Variants in NOL4 observed in about 807,000 individuals in gnomAD.
The protein encoded by NOL4 is cancer/testis antigen 125.
A neutral mutation model predicts 75.9 loss-of-function variants in NOL4; 17 were observed. The ratio of observed to expected loss-of-function variants is 0.22; its 90% CI spans 0.15 to 0.34. The LOEUF (loss-of-function observed/expected upper bound fraction) is 0.34. NOL4 is among the 10% of genes least tolerant of loss of function. NOL4 has a pLI of 1.00. For missense variants in NOL4, 614 were observed against 793.5 expected (o/e 0.77, Z 2.72); for synonymous variants, 292 against 289.9 (o/e 1.01, Z -0.07).
chr18:34,174,368 C>G (rs984369454), intron 1 of NOL4, among the ~76,000 whole-genome samples: 10 of 152,032 alleles, frequency 6.6e-5, no homozygotes, highest in Non-Finnish European at 1.3e-4. Context: ...CTTAATTTAT[C>G]AAAGTTTCAC....
rs570607563 is a variant in NOL4, at chr18:33,871,855, C to A, written c.1723+11389G>T. Among the ~76,000 whole-genome samples the A allele has an allele frequency of 1.9e-4, 29 of 152,086 alleles. 2 individuals carry two copies. The highest frequency in any genetic ancestry group is 7.2e-4 in the Admixed American group (11 of 15,238). On this transcript the variant is annotated intron_variant, in intron 10 of 10. Transcript: ENST00000261592. ...GGAACACACAGGGTCACTCACCTCC[C>A]TTTTCAGGGCCTTTCTTGGAGGCTT...
At chr18:33,939,935 A>G (rs1397325329) in intron 9 of NOL4, among the ~76,000 whole-genome samples, 1 of 152,132 alleles carries the variant, frequency 6.6e-6, no homozygotes, top group Admixed American at 6.6e-5. Context: ...CATGCAGCCA[A>G]CAAACATATG....
At chr18:34,181,951 G>A (rs1475205591) in intron 1 of NOL4, among the ~76,000 whole-genome samples, 1 of 151,542 alleles carries the variant, frequency 6.6e-6, no homozygotes, top group Non-Finnish European at 1.5e-5. Flanking sequence ...ACCTCATAAC[G>A]TTGCTCTGGG....
At chr18:33,927,322 A>G (rs77400953) in intron 9 of NOL4, among the ~76,000 whole-genome samples, 4,671 of 152,288 alleles carry the variant, frequency 0.031, 107 homozygotes, top group Non-Finnish European at 0.033. Flanking sequence ...TTAAAAATAA[A>G]TGTAACTTGG....
At chr18:34,092,468 T>G (rs1290651016) in intron 5 of NOL4, among the ~76,000 whole-genome samples, 1 of 152,112 alleles carries the variant, frequency 6.6e-6, no homozygotes, top group Admixed American at 6.6e-5. Context: ...TTCTTGGACG[T>G]TTTTTATGCT....
intron 8 of NOL4, among the ~76,000 whole-genome samples, chr18:33,946,118 AATC>A (rs1429644038): frequency 1.3e-5 from 2 of 151,764 alleles, no homozygotes; most frequent in Admixed American, 1.3e-4. Context: ...AATGTGTTAT[AATC>A]ATCATTAACT....
intron 1 of NOL4, among the ~76,000 whole-genome samples, chr18:34,177,720 A>C (rs2033674994): frequency 6.6e-6 from 1 of 151,888 alleles, no homozygotes; most frequent in South Asian, 2.1e-4. Flanking sequence ...TAGTCAAAGC[A>C]CTAAAGAAAA....
intron 8 of NOL4, among the ~76,000 whole-genome samples, chr18:33,948,163 T>C (rs2068967648): frequency 6.6e-6 from 1 of 151,964 alleles, no homozygotes; most frequent in South Asian, 2.1e-4. Flanking sequence ...AATGTGAAGC[T>C]TAATCAAGTA....
chr18:33,882,384 A>C (rs1207673249), intron 10 of NOL4, among the ~76,000 whole-genome samples: 2 of 152,144 alleles, frequency 1.3e-5, no homozygotes, highest in Non-Finnish European at 2.9e-5. Flanking sequence ...CCCCACCAAA[A>C]AGTGGGTGAA....
intron 4 of NOL4, among the ~76,000 whole-genome samples, chr18:34,098,047 TGG>T (rs1271423024): frequency 6.6e-6 from 1 of 152,060 alleles, no homozygotes; most frequent in Admixed American, 6.6e-5. Context: ...TAAAGGAGGT[TGG>T]GGTTTTTTTT....
At chr18:34,019,641 A>T (rs200770932) in intron 5 of NOL4, 40 bp from the exon 6 acceptor site, 1 of 1,574,886 alleles carries the variant, frequency 6.3e-7, no homozygotes, top group East Asian at 2.3e-5. Context: ...TTTAATTAAT[A>T]TGCTATTCAG....
intron 10 of NOL4, among the ~76,000 whole-genome samples, chr18:33,882,425 C>T (rs1267500253): frequency 6.6e-6 from 1 of 152,038 alleles, no homozygotes. Context: ...CAAAAGAAGA[C>T]ATTTATGCAG....
At chr18:33,894,628 C>T (rs960783158) in intron 9 of NOL4, among the ~76,000 whole-genome samples, 2 of 152,104 alleles carry the variant, frequency 1.3e-5, no homozygotes, top group Admixed American at 6.6e-5. Context: ...ATACCTGTTA[C>T]CAGAATTTTA....
rs752401674 is a variant in NOL4 at position 34,019,566 on chromosome 18, T to C, written c.808A>G (p.Thr270Ala). Residue 270 changes from threonine to alanine, a missense_variant, in exon 6 of 11, where the codon ACT becomes GCT. Thr to Ala is a moderately conservative substitution (Grantham distance 58, BLOSUM62 0). Coordinates refer to ENST00000261592, the MANE Select transcript of NOL4 (RefSeq NM_003787.5). ...SAAESFNGNE[T>A]LGHSSIASGG... is the part of the protein sequence containing the mutation. ...GAAGCAATTGAACTGTGCCCCAGAG[T>C]CTCATTGCCATTAAAGCTCTCTGCA... The C allele has an allele frequency of 1.6e-4, 251 of 1,613,516 alleles. 1 individual carries two copies. The highest frequency in any genetic ancestry group is 2.0e-4 in the Non-Finnish European group (234 of 1,179,768).
intron 5 of NOL4, among the ~76,000 whole-genome samples, chr18:34,043,145 T>A (rs550685244): frequency 6.6e-6 from 1 of 152,266 alleles, no homozygotes; most frequent in South Asian, 2.1e-4. Context: ...TTTCTTCATG[T>A]ACTTACAGTG....
intron 8 of NOL4, 100 bp from the exon 9 acceptor site, chr18:33,943,278 A>G: frequency 1.4e-6 from 1 of 698,676 alleles, no homozygotes; most frequent in Non-Finnish European, 2.4e-6. Flanking sequence ...CAACATGTGC[A>G]GGAATATCCA....
chr18:34,029,495 G>C (rs2075524852), intron 5 of NOL4, among the ~76,000 whole-genome samples: 1 of 152,096 alleles, frequency 6.6e-6, no homozygotes, highest in Admixed American at 6.6e-5. Flanking sequence ...CATATCCTTG[G>C]CTCCTGATTG....
intron 4 of NOL4, among the ~76,000 whole-genome samples, chr18:34,101,153 G>A (rs1460669239): frequency 6.6e-6 from 1 of 152,090 alleles, no homozygotes; most frequent in African/African-American, 2.4e-5. Flanking sequence ...TCCATCAGAA[G>A]CTTTTGTTAA....
At chr18:34,195,051 A>G (rs1481107835) in intron 1 of NOL4, among the ~76,000 whole-genome samples, 1 of 151,852 alleles carries the variant, frequency 6.6e-6, no homozygotes, top group Non-Finnish European at 1.5e-5. Flanking sequence ...GAAAGAAAAG[A>G]AAAAGAAAAA....
Sources: allele counts gnomAD v4.1 joint callset (sites outside exome capture counted in the v4.1 genomes callset), GRCh38; gene constraint gnomAD v4.1.1; transcripts MANE v1.5; gene names NCBI Gene and HGNC (gene_info 2026-07-23, HGNC 2026-07-21).